Variants in TTC29 observed in about 807,000 individuals in gnomAD.
The protein encoded by TTC29 is tetratricopeptide repeat protein 29.
Under a neutral mutation model 58.1 loss-of-function variants are expected in TTC29, and 49 were observed. That is an observed-to-expected ratio of 0.84 (90% CI 0.67 to 1.07). The LOEUF is 1.07. TTC29 is among the 50% of genes least tolerant of loss of function. The pLI is 0.00. For missense variants in TTC29, 582 were observed against 555.6 expected (o/e 1.05, Z -0.48); for synonymous variants, 209 against 196.8 (o/e 1.06, Z -0.52).
chr4:146,796,121 T>G (rs1749817452), intron 11 of TTC29, among the ~76,000 whole-genome samples: 1 of 151,778 alleles, frequency 6.6e-6, no homozygotes, highest in African/African-American at 2.4e-5. Context: ...TTCTTACAAG[T>G]GATGATGAGT....
chr4:146,906,876 C>T (rs1733555139), intron 5 of TTC29, among the ~76,000 whole-genome samples: 1 of 152,222 alleles, frequency 6.6e-6, no homozygotes, highest in South Asian at 2.1e-4. Context: ...AATCCCAGCT[C>T]TTTGGGAGAC....
chr4:146,937,254 T>C (rs1467905787), intron 4 of TTC29, among the ~76,000 whole-genome samples: 1 of 152,036 alleles, frequency 6.6e-6, no homozygotes, highest in African/African-American at 2.4e-5. Context: ...GGAGAAAAGA[T>C]ATATAAATCT....
chr4:146,883,876 T>C (rs568215602), intron 6 of TTC29, among the ~76,000 whole-genome samples: 1 of 152,028 alleles, frequency 6.6e-6, no homozygotes, highest in Non-Finnish European at 1.5e-5. Flanking sequence ...AGAAAATGAA[T>C]TGAAAAAAAA....
In TTC29 at chr4:146,803,491, C is replaced by T. The variant is rs560026639; in HGVS notation, c.1296G>A (p.Glu432=). ...GATCAGGTTCAATGTTACCTCTGCT[C>T]TCCTTCCATGACAGCAGGTAGTTGA... ...TSLNYLLSWK[E]SRGNIEPDPV... The change falls in exon 11 of 13, where the codon GAG becomes GAA. Residue 432 remains glutamate (E), a synonymous_variant. Coordinates refer to ENST00000325106, the MANE Select transcript of TTC29 (RefSeq NM_031956.4). The T allele has an allele frequency of 3.0e-5, 48 of 1,594,844 alleles. No individual in the cohort carries two copies. In the East Asian group the frequency reaches 3.4e-4, roughly 11 times the overall value.
At chr4:146,778,950 C>T (rs886926989) in intron 11 of TTC29, among the ~76,000 whole-genome samples, 13 of 103,330 alleles carry the variant, frequency 1.3e-4, no homozygotes. Context: ...CCATGTAACA[C>T]AACTGCACTT....
intron 8 of TTC29, among the ~76,000 whole-genome samples, chr4:146,858,619 G>A (rs768010456): frequency 1.3e-5 from 2 of 152,068 alleles, no homozygotes; most frequent in Non-Finnish European, 2.9e-5. Context: ...TAGCACTTCG[G>A]AAAAAATATT....
At chr4:146,853,756 C>T (rs1047511171) in intron 8 of TTC29, among the ~76,000 whole-genome samples, 13 of 152,104 alleles carry the variant, frequency 8.5e-5, no homozygotes, top group Non-Finnish European at 1.9e-4. Flanking sequence ...TCACTAAGTG[C>T]CAGGCACATT....
At chr4:146,823,375 G>C (rs1751972172) in intron 9 of TTC29, among the ~76,000 whole-genome samples, 1 of 152,148 alleles carries the variant, frequency 6.6e-6, no homozygotes, top group Non-Finnish European at 1.5e-5. Flanking sequence ...TTTCCCCATT[G>C]ATTGTTTTTG....
chr4:146,932,135 A>G (rs1359862696), intron 4 of TTC29, among the ~76,000 whole-genome samples: 1 of 152,138 alleles, frequency 6.6e-6, no homozygotes, highest in Non-Finnish European at 1.5e-5. Flanking sequence ...AAGAAGTGGC[A>G]ATTCCTTCTC....
intron 11 of TTC29, among the ~76,000 whole-genome samples, chr4:146,747,713 G>T (rs1018443518): frequency 3.3e-5 from 5 of 152,200 alleles, no homozygotes; most frequent in Non-Finnish European, 5.9e-5. Flanking sequence ...CACAACATCT[G>T]ATGTGGTGCC....
intron 4 of TTC29, among the ~76,000 whole-genome samples, chr4:146,929,711 T>C (rs1433810080): frequency 3.9e-5 from 6 of 152,102 alleles, no homozygotes; most frequent in Non-Finnish European, 7.4e-5. Flanking sequence ...TTCCTGATAT[T>C]CTTCTTATGA....
chr4:146,847,576 C>T (rs6814899), intron 8 of TTC29, among the ~76,000 whole-genome samples: 9,357 of 152,122 alleles, frequency 0.062, 399 homozygotes, highest in Admixed American at 0.13. Context: ...GAGGACTATG[C>T]GGCTCTTCAT....
At chr4:146,886,652 A>T (rs1428045235) in intron 6 of TTC29, among the ~76,000 whole-genome samples, 1 of 152,140 alleles carries the variant, frequency 6.6e-6, no homozygotes, top group East Asian at 1.9e-4. Context: ...TAAATTTATA[A>T]TTTTTCCTGG....
At chr4:146,847,498 A>G (rs1252470026) in intron 8 of TTC29, among the ~76,000 whole-genome samples, 1 of 152,198 alleles carries the variant, frequency 6.6e-6, no homozygotes, top group East Asian at 1.9e-4. Context: ...GTTATTGACA[A>G]AACAAGCCAG....
intron 1 of TTC29, chr4:146,945,410 T>A (rs1173035080): frequency 6.6e-6 from 1 of 152,214 alleles, no homozygotes; most frequent in African/African-American, 2.4e-5. Context: ...GCATCTCAGT[T>A]CCCTTTCTGT....
intron 11 of TTC29, among the ~76,000 whole-genome samples, chr4:146,758,368 A>T (rs1746613763): frequency 6.6e-6 from 1 of 152,122 alleles, no homozygotes; most frequent in Non-Finnish European, 1.5e-5. Context: ...AAGAAATGAG[A>T]TAGACAGCAA....
intron 11 of TTC29, among the ~76,000 whole-genome samples, chr4:146,775,675 G>T (rs1483086922): frequency 1.3e-5 from 2 of 151,710 alleles, no homozygotes; most frequent in African/African-American, 4.8e-5. Flanking sequence ...CTCTCTGTCT[G>T]CCCTTTACAT....
intron 4 of TTC29, among the ~76,000 whole-genome samples, chr4:146,932,054 A>G (rs1449430529): frequency 6.6e-6 from 1 of 151,774 alleles, no homozygotes; most frequent in Non-Finnish European, 1.5e-5. Context: ...ATCATGGCAA[A>G]ACGATCTTTT....
At chr4:146,734,436 G>A (rs1405282356) in intron 11 of TTC29, among the ~76,000 whole-genome samples, 1 of 152,110 alleles carries the variant, frequency 6.6e-6, no homozygotes, top group Non-Finnish European at 1.5e-5. Flanking sequence ...TAAACATTAA[G>A]TGTTTCCCTG....
Sources: gnomAD v4.1 joint callset for allele counts (sites outside exome capture counted in the v4.1 genomes callset) on GRCh38, gnomAD v4.1.1 for gene constraint, MANE v1.5 for transcripts, NCBI Gene and HGNC (gene_info 2026-07-23, HGNC 2026-07-21) for gene names.